Variants in DOCK1 observed in about 807,000 individuals in gnomAD.
DOCK1 encodes the protein dedicator of cytokinesis 1.
Under a neutral mutation model 262.7 loss-of-function variants are expected in DOCK1, and 138 were observed. The observed-to-expected ratio is 0.53, with a 90% CI of 0.46 to 0.61. The LOEUF is 0.61. Among genes scored for constraint, DOCK1 ranks in the 20% least tolerant of loss-of-function variants. DOCK1 has a pLI of 0.00. For missense variants in DOCK1, 1,908 were observed against 2,370.7 expected (o/e 0.80, Z 4.05); for synonymous variants, 866 against 867.4 (o/e 1.00, Z 0.03).
intron 1 of DOCK1, among the ~76,000 whole-genome samples, chr10:126,919,834 G>T (rs777591398): frequency 2.6e-5 from 4 of 152,216 alleles, no homozygotes; most frequent in African/African-American, 9.6e-5. Flanking sequence ...TCTCTTCCCA[G>T]CACCTGCTGT....
chr10:127,025,615 G>A (rs1258011868), intron 15 of DOCK1, among the ~76,000 whole-genome samples: 1 of 151,946 alleles, frequency 6.6e-6, no homozygotes, highest in Admixed American at 6.5e-5. Flanking sequence ...CCTGGCTAAT[G>A]TTTTTGGTAT....
intron 1 of DOCK1, among the ~76,000 whole-genome samples, chr10:126,906,177 C>G (rs1364055329): frequency 2.6e-5 from 4 of 152,216 alleles, no homozygotes; most frequent in African/African-American, 9.6e-5. Flanking sequence ...CCCCAGTGGC[C>G]CCAGGCCTGG....
chr10:127,129,645 G>T (rs750071213), intron 27 of DOCK1, among the ~76,000 whole-genome samples: 6 of 152,186 alleles, frequency 3.9e-5, no homozygotes, highest in Non-Finnish European at 5.9e-5. Context: ...CTGTCTTCTT[G>T]GAGTCGTGCC....
chr10:127,190,465 AT>A (rs1278531301), intron 27 of DOCK1, among the ~76,000 whole-genome samples: 2 of 152,168 alleles, frequency 1.3e-5, no homozygotes, highest in Non-Finnish European at 2.9e-5. Flanking sequence ...CTCATTAAAT[AT>A]TTATTAAGCA....
chr10:127,355,963 G>A (rs904335276), intron 32 of DOCK1, among the ~76,000 whole-genome samples: 3 of 152,228 alleles, frequency 2.0e-5, no homozygotes, highest in Non-Finnish European at 2.9e-5. Context: ...GATGAAGAGC[G>A]GGTCAGAGTG....
chr10:127,053,845 G>C (rs541493260), intron 22 of DOCK1, among the ~76,000 whole-genome samples: 3 of 152,296 alleles, frequency 2.0e-5, no homozygotes, highest in Non-Finnish European at 4.4e-5. Context: ...TAAGTGTGTT[G>C]AGGGTGGGGT....
chr10:127,109,273 G>GT (rs758711386), intron 24 of DOCK1, among the ~76,000 whole-genome samples: 126 of 152,104 alleles, frequency 8.3e-4, no homozygotes, highest in Non-Finnish European at 1.3e-3. Context: ...TGGTGAAACC[G>GT]TATCTGCCCA....
intron 23 of DOCK1, among the ~76,000 whole-genome samples, chr10:127,073,524 A>G (rs1409611457): frequency 6.6e-6 from 1 of 152,246 alleles, no homozygotes; most frequent in Non-Finnish European, 1.5e-5. Flanking sequence ...TTTAGGATTT[A>G]GAAGGTATCC....
At chr10:127,252,404 G>A (rs2059683696) in intron 28 of DOCK1, among the ~76,000 whole-genome samples, 2 of 148,154 alleles carry the variant, frequency 1.3e-5, no homozygotes, top group Non-Finnish European at 3.0e-5. Flanking sequence ...GATCCCATTT[G>A]TCAATTTTGG....
chr10:127,305,899 G>A (rs531595748), intron 29 of DOCK1, among the ~76,000 whole-genome samples: 1 of 152,214 alleles, frequency 6.6e-6, no homozygotes, highest in East Asian at 1.9e-4. Context: ...AGTCTGCTGG[G>A]TTGACCAGAT....
At chr10:127,397,451 G>A (rs1014504333) in intron 38 of DOCK1, among the ~76,000 whole-genome samples, 1 of 147,154 alleles carries the variant, frequency 6.8e-6, no homozygotes, top group African/African-American at 2.5e-5. Flanking sequence ...GAGTTACAAG[G>A]GCAGTGTCTC....
intron 27 of DOCK1, among the ~76,000 whole-genome samples, chr10:127,225,964 G>A (rs986826148): frequency 6.6e-6 from 1 of 151,716 alleles, no homozygotes. Flanking sequence ...TGTAATCCCA[G>A]CTACTTGGGA....
chr10:127,005,872 A>G (rs1476590524), intron 10 of DOCK1, among the ~76,000 whole-genome samples: 2 of 151,488 alleles, frequency 1.3e-5, no homozygotes, highest in Admixed American at 1.3e-4. Context: ...AACCATTTTT[A>G]GGCGTGCAGT....
At chr10:127,252,950 G>A (rs1159823089) in intron 28 of DOCK1, among the ~76,000 whole-genome samples, 1 of 151,896 alleles carries the variant, frequency 6.6e-6, no homozygotes, top group Admixed American at 6.6e-5. Context: ...GCCCTTTTTG[G>A]TTGAGTGAGT....
chr10:126,965,593 T>C (rs1474597549), intron 1 of DOCK1, among the ~76,000 whole-genome samples: 2 of 152,152 alleles, frequency 1.3e-5, no homozygotes, highest in African/African-American at 4.8e-5. Flanking sequence ...ATCAGCTCAC[T>C]GTGTACCTTG....
intron 28 of DOCK1, among the ~76,000 whole-genome samples, chr10:127,249,136 T>C (rs1411137468): frequency 1.3e-5 from 2 of 152,104 alleles, no homozygotes; most frequent in East Asian, 3.9e-4. Flanking sequence ...GTACTAGTGT[T>C]TCTAGAACAG....
At chr10:127,076,317 C>T (rs568230063) in intron 23 of DOCK1, among the ~76,000 whole-genome samples, 43 of 152,212 alleles carry the variant, frequency 2.8e-4, no homozygotes, top group East Asian at 9.7e-4. Context: ...CTGGCTAACA[C>T]GGTGAAACCC....
intron 27 of DOCK1, among the ~76,000 whole-genome samples, chr10:127,185,415 A>G (rs570351379): frequency 2.0e-5 from 3 of 152,076 alleles, no homozygotes; most frequent in Non-Finnish European, 4.4e-5. Context: ...AATCCCAGCT[A>G]CTTGGGAGGC....
At chr10:127,391,528 A>G (rs1161998482) in intron 38 of DOCK1, among the ~76,000 whole-genome samples, 2 of 152,134 alleles carry the variant, frequency 1.3e-5, no homozygotes, top group Non-Finnish European at 2.9e-5. Context: ...GATAAATCCC[A>G]TTATAATCTC....
Sources: gnomAD v4.1 joint callset for allele counts (sites outside exome capture counted in the v4.1 genomes callset) on GRCh38, gnomAD v4.1.1 for gene constraint, MANE v1.5 for transcripts, NCBI Gene and HGNC (gene_info 2026-07-23, HGNC 2026-07-21) for gene names.